Variants in EPHA3 observed in about 807,000 individuals in gnomAD.
EPHA3 encodes the protein ephrin type-A receptor 3.
Under a neutral mutation model 107.1 loss-of-function variants are expected in EPHA3, and 42 were observed. The observed-to-expected ratio is 0.39, with a 90% confidence interval of 0.31 to 0.51. The LOEUF (loss-of-function observed/expected upper bound fraction) is 0.51, where lower values mean the gene tolerates loss of function less well. Among genes scored for constraint, EPHA3 ranks in the 20% least tolerant of loss-of-function variants. The pLI is 0.78. For missense variants in EPHA3, 1,183 were observed against 1,211.2 expected, an observed-to-expected ratio of 0.98 and a Z score of 0.35; for synonymous variants, 461 against 424.8, an observed-to-expected ratio of 1.09 and a Z score of -1.05.
intron 2 of EPHA3, among the ~76,000 whole-genome samples, chr3:89,165,390 C>T (rs541504784): frequency 9.2e-5 from 14 of 152,232 alleles, no homozygotes; most frequent in South Asian, 6.2e-4. Context: ...TTATACTTTT[C>T]GTAATAATTA....
At position 89,208,462 on chromosome 3, in the gene EPHA3, G is replaced by GAAAGAAAGAA. The variant is rs1553664805; in HGVS notation, c.154-1396_154-1387dup. ...AGAAAGAAAGAAAGAAAGAAAGAAAGAAAGAAAGAAAGAAAGAAAGAGAAA... is the reference window on the plus strand; with the variant it reads ...AGAAAGAAAGAAAGAAAGAAAGAAAGAAAGAAAGAAAAAGAAAGAAAGAAAGAAAGAGAAA... On this transcript the variant is annotated intron_variant, in intron 2 of 16. Transcript: ENST00000336596. Among the ~76,000 whole-genome samples the GAAAGAAAGAA allele has an allele frequency of 4.5e-3, 473 of 104,480 alleles. 45 individuals are homozygous for GAAAGAAAGAA. Among genetic ancestry groups the GAAAGAAAGAA allele is most frequent in the African/African-American group, 0.019 (400 of 21,072 alleles). The allele number at this position is 104,480 out of a possible 152,430, so 68.5% of individuals were successfully genotyped here. A position where few individuals can be genotyped will look rare whatever the true frequency, so the allele number is the denominator to read the frequency against.
intron 2 of EPHA3, among the ~76,000 whole-genome samples, chr3:89,200,464 T>C (rs1705943640): frequency 6.6e-6 from 1 of 152,216 alleles, no homozygotes; most frequent in Non-Finnish European, 1.5e-5. Context: ...ACAGAAGTCA[T>C]CTTAAGAAGT....
chr3:89,455,071 A>G (rs1710070200), intron 15 of EPHA3, among the ~76,000 whole-genome samples: 1 of 152,238 alleles, frequency 6.6e-6, no homozygotes, highest in African/African-American at 2.4e-5. Context: ...TTATTCAAAT[A>G]AATTTTATTC....
intron 3 of EPHA3, among the ~76,000 whole-genome samples, chr3:89,212,732 A>G (rs1181147055): frequency 6.6e-6 from 1 of 152,020 alleles, no homozygotes; most frequent in East Asian, 1.9e-4. Flanking sequence ...GCAGAAGGTT[A>G]CTATAAATAT....
At chr3:89,123,732 G>A (rs1042746089) in intron 1 of EPHA3, among the ~76,000 whole-genome samples, 14 of 152,092 alleles carry the variant, frequency 9.2e-5, no homozygotes, top group African/African-American at 3.4e-4. Flanking sequence ...AAAAACTCCA[G>A]TTATTTATTT....
intron 1 of EPHA3, among the ~76,000 whole-genome samples, chr3:89,126,882 C>G (rs1704106992): frequency 6.6e-6 from 1 of 151,634 alleles, no homozygotes; most frequent in African/African-American, 2.4e-5. Context: ...GATATGCTAG[C>G]ATTAATGTTG....
chr3:89,375,923 T>C (rs529288035), intron 5 of EPHA3, among the ~76,000 whole-genome samples: 2 of 151,950 alleles, frequency 1.3e-5, no homozygotes, highest in Non-Finnish European at 2.9e-5. Flanking sequence ...ACTCTAGCAA[T>C]GAGAATGTTT....
intron 2 of EPHA3, among the ~76,000 whole-genome samples, chr3:89,140,877 C>T (rs1203410442): frequency 1.3e-5 from 2 of 151,664 alleles, no homozygotes; most frequent in Admixed American, 6.6e-5. Flanking sequence ...GTACTAGGTA[C>T]TATTGTTGGC....
At chr3:89,187,488 T>C (rs1705596602) in intron 2 of EPHA3, among the ~76,000 whole-genome samples, 1 of 151,404 alleles carries the variant, frequency 6.6e-6, no homozygotes, top group African/African-American at 2.4e-5. Flanking sequence ...AATTGACATA[T>C]ATTTACAATA....
chr3:89,108,674 A>C (rs1462713713), intron 1 of EPHA3, among the ~76,000 whole-genome samples: 2 of 152,186 alleles, frequency 1.3e-5, no homozygotes, highest in Admixed American at 1.3e-4. Flanking sequence ...CAGTGGGTTA[A>C]AGTGCAAACC....
chr3:89,390,521 A>C (rs1576353079), intron 5 of EPHA3, among the ~76,000 whole-genome samples: 1 of 146,832 alleles, frequency 6.8e-6, no homozygotes, highest in South Asian at 2.2e-4. Flanking sequence ...AATTGCTTGA[A>C]CCCGGGAGGC....
intron 16 of EPHA3, 105 bp from the exon 17 acceptor site, chr3:89,479,292 T>C: frequency 2.4e-6 from 2 of 834,804 alleles, no homozygotes; most frequent in Non-Finnish European, 3.9e-6. Flanking sequence ...GACAATTAGG[T>C]CCACAGTACT....
intron 10 of EPHA3, among the ~76,000 whole-genome samples, chr3:89,413,544 A>G (rs1424039741): frequency 6.6e-6 from 1 of 151,838 alleles, no homozygotes; most frequent in East Asian, 1.9e-4. Context: ...GTGTCACAAA[A>G]CCTATTTGGC....
At chr3:89,336,009 C>T (rs1707383906) in intron 3 of EPHA3, among the ~76,000 whole-genome samples, 2 of 152,286 alleles carry the variant, frequency 1.3e-5, no homozygotes, top group African/African-American at 2.4e-5. Flanking sequence ...GACTGTATAG[C>T]TGGGGCTTTG....
chr3:89,311,396 T>C (rs1216883614), intron 3 of EPHA3, among the ~76,000 whole-genome samples: 1 of 152,006 alleles, frequency 6.6e-6, no homozygotes, highest in African/African-American at 2.4e-5. Context: ...ACCAACAATC[T>C]AAGTGAAACC....
chr3:89,304,392 A>C (rs1397757988), intron 3 of EPHA3, among the ~76,000 whole-genome samples: 1 of 152,016 alleles, frequency 6.6e-6, no homozygotes, highest in African/African-American at 2.4e-5. Context: ...AATTAAAGCC[A>C]AAATCCTTAC....
intron 2 of EPHA3, among the ~76,000 whole-genome samples, chr3:89,132,204 G>A (rs1704221010): frequency 6.6e-6 from 1 of 152,112 alleles, no homozygotes; most frequent in South Asian, 2.1e-4. Flanking sequence ...GACTAGAAAG[G>A]CAGAGCCCAG....
chr3:89,201,687 C>T (rs1483524076), intron 2 of EPHA3, among the ~76,000 whole-genome samples: 1 of 152,134 alleles, frequency 6.6e-6, no homozygotes, highest in Non-Finnish European at 1.5e-5. Context: ...CTGTATCTTA[C>T]ATTTATTTCC....
chr3:89,248,235 G>T (rs1705081274), intron 3 of EPHA3, among the ~76,000 whole-genome samples: 1 of 152,130 alleles, frequency 6.6e-6, no homozygotes, highest in Non-Finnish European at 1.5e-5. Context: ...TGTTCCTGGA[G>T]TTTATAGCAT....
Sources: gnomAD v4.1 joint callset for allele counts (sites outside exome capture counted in the v4.1 genomes callset) on GRCh38, gnomAD v4.1.1 for gene constraint, MANE v1.5 for transcripts, NCBI Gene and HGNC (gene_info 2026-07-23, HGNC 2026-07-21) for gene names.